The following MON2 variants were observed in gnomAD, a reference collection of about 807,000 sequenced individuals.
MON2 encodes the protein MON2 regulator of endosome-to-Golgi trafficking, also known as protein MON2 homolog.
In MON2, 84 loss-of-function variants were observed where a neutral mutation model predicts 208.6. That is an observed-to-expected ratio of 0.40 (90% confidence interval 0.34 to 0.48). The LOEUF is 0.48. Among genes scored for constraint, MON2 ranks in the 20% least tolerant of loss-of-function variants. MON2 has a pLI of 0.59. For synonymous variants in MON2, 660 were observed against 694.0 expected (o/e 0.95, Z 0.77); for missense variants, 1,611 against 2,015.4 (o/e 0.80, Z 3.84).
In MON2 at chr12:62,509,345, C is replaced by A. The variant is rs926718214; in HGVS notation, c.984+865C>A. 3.3e-5 allele frequency among the ~76,000 whole-genome samples: 5 copies of A among 152,090 alleles called. No individual in the cohort carries two copies. In the East Asian group the frequency reaches 5.8e-4, roughly 18 times the overall value. On this transcript the variant is annotated intron_variant, in intron 8 of 34. Coordinates refer to ENST00000393630, the MANE Select transcript of MON2 (RefSeq NM_015026.3). ...GGTCAGGCTGGTCTTGAACTCCTGA[C>A]CTCAGGTGATCCACCCGCCTCAACC...
At chr12:62,480,725 C>T (rs769602221) in intron 1 of MON2, among the ~76,000 whole-genome samples, 15 of 152,178 alleles carry the variant, frequency 9.9e-5, no homozygotes, top group South Asian at 4.1e-4. Flanking sequence ...TCATCTAGCA[C>T]GCTACAGGAT....
intron 7 of MON2, among the ~76,000 whole-genome samples, chr12:62,507,456 G>T (rs1178532583): frequency 6.6e-6 from 1 of 151,400 alleles, no homozygotes; most frequent in Non-Finnish European, 1.5e-5. Flanking sequence ...AGCTGGGACC[G>T]CAGGAGGCAC....
At chr12:62,468,859 C>T (rs1323455519) in intron 1 of MON2, among the ~76,000 whole-genome samples, 3 of 152,124 alleles carry the variant, frequency 2.0e-5, no homozygotes, top group South Asian at 4.1e-4. Context: ...GAACTGACTT[C>T]GCAGTTCTAA....
At chr12:62,571,664 A>T in intron 30 of MON2, 82 bp downstream of exon 30, 1 of 1,141,056 alleles carries the variant, frequency 8.8e-7, no homozygotes, top group East Asian at 2.5e-5. Flanking sequence ...GTCTTTATTC[A>T]TTAACAAAGT....
rs909357945 is a variant in MON2 at position 62,593,829 on chromosome 12, A to T, written c.*1080A>T. 3.3e-5 allele frequency: 5 copies of T among 152,150 alleles called. No individual in the cohort carries two copies. The highest frequency in any genetic ancestry group is 1.2e-4 in the African/African-American group (5 of 41,434). The allele number at this position is 152,150 out of a possible 1,614,324, so 9.4% of individuals were successfully genotyped here. ...ATTTTGTAATGTCTTCTCAAGAAAA[A>T]TACCTATGTTAACTCACAAGTATAA... On this transcript the variant is annotated 3_prime_UTR_variant, in exon 35 of 35. Transcript: ENST00000393630.
intron 1 of MON2, among the ~76,000 whole-genome samples, chr12:62,469,431 A>G (rs1294087987): frequency 2.0e-5 from 3 of 152,224 alleles, no homozygotes; most frequent in Non-Finnish European, 4.4e-5. Flanking sequence ...TCTTTGAGAT[A>G]ATAGCAAAAG....
At chr12:62,557,922 A>G (rs2074029051) in intron 25 of MON2, among the ~76,000 whole-genome samples, 1 of 89,550 alleles carries the variant, frequency 1.1e-5, no homozygotes, top group Admixed American at 1.2e-4. Context: ...CTGAGAACGA[A>G]TAGATTTATA....
rs118064363 is a variant in MON2 at position 62,472,279 on chromosome 12, G to A, written c.111+4961G>A. Among the ~76,000 whole-genome samples the A allele has an allele frequency of 5.7e-3, 874 of 152,274 alleles. 8 individuals carry two copies. Among genetic ancestry groups the A allele is most frequent in the Admixed American group, 8.3e-3 (127 of 15,302 alleles). On this transcript the variant is annotated intron_variant, in intron 1 of 34. Transcript: ENST00000393630. Reference sequence around the variant, plus strand: ...CTAGAAGGATAGGAGTTGGGACAATGGTGGGAATATTGCATTTCAGATTGC... The same window carrying A: ...CTAGAAGGATAGGAGTTGGGACAATAGTGGGAATATTGCATTTCAGATTGC...
intron 1 of MON2, among the ~76,000 whole-genome samples, chr12:62,481,730 C>A (rs905124012): frequency 6.6e-6 from 1 of 152,056 alleles, no homozygotes; most frequent in African/African-American, 2.4e-5. Context: ...TAATTTGGGA[C>A]CTTTCCATTT....
rs201479557 is a variant in MON2, at chr12:62,547,025, A to G, written c.2706A>G (p.Gly902=). The G allele has an allele frequency of 4.4e-6, 7 of 1,608,796 alleles. No individual in the cohort carries two copies. In the East Asian group the frequency reaches 1.6e-4, roughly 36 times the overall value. The change falls in exon 22 of 35, where the codon GGA becomes GGG. Residue 902 remains glycine (G), a synonymous_variant. Transcript: ENST00000393630. ...GTCAGGGAGACAGTCTTGGGCCTGGATGGCCATTAGTGCTTGGAGTCATGG... is the reference window on the plus strand; with the variant it reads ...GTCAGGGAGACAGTCTTGGGCCTGGGTGGCCATTAGTGCTTGGAGTCATGG... ...LQSQGDSLGP[G]WPLVLGVMGA...
chr12:62,497,477 A>G (rs891366825), intron 4 of MON2, among the ~76,000 whole-genome samples: 6 of 152,210 alleles, frequency 3.9e-5, no homozygotes, highest in Non-Finnish European at 8.8e-5. Flanking sequence ...AAATAGTATT[A>G]TGCTTCCATT....
chr12:62,501,757 T>G (rs1299601570), intron 7 of MON2, 59 bp downstream of exon 7: 2 of 1,588,534 alleles, frequency 1.3e-6, no homozygotes, highest in Non-Finnish European at 1.7e-6. Flanking sequence ...CAGATATTTT[T>G]AAAGAAAGCA....
At chr12:62,568,841 C>T (rs1004180214) in intron 29 of MON2, among the ~76,000 whole-genome samples, 38 of 151,954 alleles carry the variant, frequency 2.5e-4, no homozygotes, top group African/African-American at 8.0e-4. Flanking sequence ...TTAGTAGAGA[C>T]GGGGTTTCAC....
At chr12:62,513,800 A>G (rs907500632) in intron 8 of MON2, among the ~76,000 whole-genome samples, 3 of 134,948 alleles carry the variant, frequency 2.2e-5, no homozygotes, top group African/African-American at 7.6e-5. Flanking sequence ...ACAAAAAAAA[A>G]CTAGCCGAGC....
At chr12:62,473,665 G>A (rs2068909571) in intron 1 of MON2, among the ~76,000 whole-genome samples, 2 of 152,088 alleles carry the variant, frequency 1.3e-5, no homozygotes, top group Admixed American at 1.3e-4. Context: ...TGTCTCCCAG[G>A]CTCAAATGAT....
intron 2 of MON2, among the ~76,000 whole-genome samples, chr12:62,485,683 G>A (rs181800664): frequency 6.6e-6 from 1 of 152,162 alleles, no homozygotes; most frequent in African/African-American, 2.4e-5. Flanking sequence ...AGGAAGGCTG[G>A]CAAGTGGGTT....
chr12:62,540,825 G>A (rs550206085), intron 19 of MON2, among the ~76,000 whole-genome samples: 21 of 152,142 alleles, frequency 1.4e-4, no homozygotes, highest in Non-Finnish European at 3.1e-4. Flanking sequence ...TATATTTTTA[G>A]ATGGAGGCTA....
At chr12:62,549,417 T>G (rs892416883) in intron 22 of MON2, among the ~76,000 whole-genome samples, 1 of 147,202 alleles carries the variant, frequency 6.8e-6, no homozygotes, top group African/African-American at 2.5e-5. Context: ...CCCAGGAAAT[T>G]GAGACCAGCC....
intron 32 of MON2, among the ~76,000 whole-genome samples, chr12:62,581,654 G>A (rs944996280): frequency 3.3e-5 from 5 of 152,030 alleles, no homozygotes; most frequent in East Asian, 3.9e-4. Flanking sequence ...TGGCCAACAC[G>A]GTGAAACCCT....
Sources: allele counts gnomAD v4.1 joint callset (sites outside exome capture counted in the v4.1 genomes callset), GRCh38; gene constraint gnomAD v4.1.1; transcripts MANE v1.5; gene names NCBI Gene and HGNC (gene_info 2026-07-23, HGNC 2026-07-21).